The following RIPK1 variants were observed in gnomAD, a reference collection of about 807,000 sequenced individuals.
RIPK1 encodes receptor-interacting serine/threonine-protein kinase 1.
RIPK1 carries 27 observed loss-of-function variants against 62.4 expected under a neutral mutation model. The ratio of observed to expected loss-of-function variants is 0.43; its 90% CI spans 0.32 to 0.60. RIPK1 has a LOEUF of 0.60. Ranked by LOEUF, RIPK1 falls within the 20% of genes least tolerant of loss-of-function variation. RIPK1 has a pLI of 0.07. For synonymous variants in RIPK1, 287 were observed against 303.2 expected (o/e 0.95, Z 0.55); for missense variants, 735 against 831.0 (o/e 0.88, Z 1.42).
chr6:3,069,164 G>C (rs1758557765), intron 1 of RIPK1, among the ~76,000 whole-genome samples: 2 of 138,258 alleles, frequency 1.4e-5, no homozygotes, highest in Non-Finnish European at 1.6e-5. Context: ...ATGTTGTTTT[G>C]GTGGAGAAGG....
intron 9 of RIPK1, among the ~76,000 whole-genome samples, chr6:3,108,947 T>C (rs1481081243): frequency 2.0e-5 from 3 of 152,024 alleles, no homozygotes; most frequent in African/African-American, 7.2e-5. Context: ...CTGACGGAGG[T>C]ACCTTGAGCT....
upstream of RIPK1, among the ~76,000 whole-genome samples, chr6:3,064,317 C>T (rs1758284237): frequency 6.6e-6 from 1 of 152,182 alleles, no homozygotes; most frequent in African/African-American, 2.4e-5. Flanking sequence ...CCTTCCCTGG[C>T]CGAAGCCCTC....
chr6:3,086,591 G>A (rs1291102367), intron 6 of RIPK1, among the ~76,000 whole-genome samples: 1 of 152,236 alleles, frequency 6.6e-6, no homozygotes, highest in Non-Finnish European at 1.5e-5. Context: ...TTTTACTGCA[G>A]TGGGTACAAT....
At chr6:3,107,008 T>C (rs1760883856) in intron 9 of RIPK1, among the ~76,000 whole-genome samples, 1 of 152,116 alleles carries the variant, frequency 6.6e-6, no homozygotes, top group African/African-American at 2.4e-5. Context: ...CTCAGCACTT[T>C]GGGAGGCTGA....
chr6:3,064,094 A>G (rs992251348), upstream of RIPK1: 3 of 152,266 alleles, frequency 2.0e-5, no homozygotes, highest in Non-Finnish European at 2.9e-5. Flanking sequence ...GGGGTGGAGC[A>G]CGGGAGTGGC....
intron 7 of RIPK1, among the ~76,000 whole-genome samples, chr6:3,090,300 CT>C (rs923623304): frequency 4.6e-5 from 7 of 152,138 alleles, no homozygotes; most frequent in African/African-American, 1.4e-4. Context: ...CCCCGCCCCC[CT>C]GCCAACTCTG....
At chr6:3,102,958 C>T (rs1013001326) in intron 7 of RIPK1, among the ~76,000 whole-genome samples, 3 of 152,124 alleles carry the variant, frequency 2.0e-5, no homozygotes, top group Non-Finnish European at 4.4e-5. Flanking sequence ...TTTATATTCC[C>T]CACCAGCAAT....
In RIPK1 at chr6:3,076,841, C is replaced by T; in HGVS notation, c.18C>T (p.Ser6=). 2 of 1,613,096 alleles carry T rather than the reference C, an allele frequency of 1.2e-6. No homozygotes were observed. Among genetic ancestry groups the T allele is most frequent in the South Asian group, 1.1e-5 (1 of 90,996 alleles). Residue 6 remains serine, a synonymous_variant, in exon 2 of 11, where the codon TCC becomes TCT. Coordinates refer to ENST00000259808, the MANE Select transcript of RIPK1 (RefSeq NM_001354930.2). MQPDM[S]LNVIKMKSSD... ...GCTTCAGAATGCAACCAGACATGTC[C>T]TTGAATGTCATTAAGATGAAATCCA...
Position 3,098,837 on chromosome 6 carries a change from C to T in RIPK1, c.916-5388C>T, listed in dbSNP as rs149831738. Among the ~76,000 whole-genome samples, 545 of 152,328 alleles carry T rather than the reference C, an allele frequency of 3.6e-3. 5 individuals are homozygous for T. The highest frequency in any genetic ancestry group is 0.013 in the African/African-American group (532 of 41,560). Reference sequence around the variant, plus strand: ...AGCAGAGGAAGAAGTCAGAAGGCAACGAAGCCTGACAGCTCTGGCAGCCGG... The same window carrying T: ...AGCAGAGGAAGAAGTCAGAAGGCAATGAAGCCTGACAGCTCTGGCAGCCGG... On this transcript the variant is annotated intron_variant, in intron 7 of 10. Transcript: ENST00000259808.
intron 1 of RIPK1, among the ~76,000 whole-genome samples, chr6:3,069,268 G>C (rs1276505046): frequency 6.6e-6 from 1 of 152,218 alleles, no homozygotes; most frequent in African/African-American, 2.4e-5. Flanking sequence ...GCTTGAGGCC[G>C]CAGCAGGTTC....
chr6:3,070,976 GTTTC>G (rs1297188633), intron 1 of RIPK1, among the ~76,000 whole-genome samples: 2 of 152,210 alleles, frequency 1.3e-5, no homozygotes, highest in South Asian at 2.1e-4. Flanking sequence ...CCAAATCTTA[GTTTC>G]TTTATTTGCA....
chr6:3,083,103 G>A lies in RIPK1; in HGVS notation c.478G>A (p.Ala160Thr), dbSNP rs147072629. Residue 160 changes from alanine (A) to threonine (T), a missense_variant, in exon 5 of 11, where the codon GCC becomes ACC. Around this residue, in one of 2 missense-constraint regions of RIPK1, gnomAD observed 671 missense variants for 726.2 expected, o/e 0.92. Transcript: ENST00000259808. ...FHIKIADLGL[A>T]SFKMWSKLNN... is the part of the protein sequence containing the mutation. ...TTCGCAGATCGCAGACCTCGGCCTT[G>A]CCTCCTTTAAGATGTGGAGCAAACT... is the stretch of plus-strand genomic sequence containing the variant. 111 of 1,613,986 alleles carry A rather than the reference G, an allele frequency of 6.9e-5. No individual in the cohort carries two copies. In the African/African-American group the frequency reaches 1.4e-3, roughly 21 times the overall value.
chr6:3,073,527 A>G (rs1758875182), intron 1 of RIPK1, among the ~76,000 whole-genome samples: 1 of 151,618 alleles, frequency 6.6e-6, no homozygotes, highest in Non-Finnish European at 1.5e-5. Flanking sequence ...CCCACCCCTC[A>G]GTCTTCAGGC....
intron 4 of RIPK1, among the ~76,000 whole-genome samples, chr6:3,082,753 G>A (rs971736490): frequency 6.6e-6 from 1 of 152,170 alleles, no homozygotes; most frequent in Non-Finnish European, 1.5e-5. Flanking sequence ...AAAAACATAC[G>A]CAGAGTCAAT....
chr6:3,098,858 G>C (rs971775796), intron 7 of RIPK1, among the ~76,000 whole-genome samples: 4 of 152,258 alleles, frequency 2.6e-5, no homozygotes, highest in Non-Finnish European at 1.5e-5. Flanking sequence ...AGCTCTGGCA[G>C]CCGGGAGCAC....
intron 4 of RIPK1, among the ~76,000 whole-genome samples, chr6:3,081,831 G>T (rs915665591): frequency 1.8e-5 from 2 of 113,550 alleles, no homozygotes; most frequent in Non-Finnish European, 3.3e-5. Context: ...TCGCACTCCA[G>T]CCTGGGCAAC....
rs147957332 is a variant in RIPK1, at chr6:3,073,783, C to T, written c.-60-2981C>T. 2.7e-3 allele frequency among the ~76,000 whole-genome samples: 404 copies of T among 152,272 alleles called. 3 individuals carry two copies. Among genetic ancestry groups the T allele is most frequent in the Non-Finnish European group, 4.2e-3 (288 of 68,020 alleles). On this transcript the variant is annotated intron_variant, in intron 1 of 10. Transcript: ENST00000259808. ...ACACCATGGGCAGCCTAGGAGTTTC[C>T]AGAGTCCCCTCTCCCCAAGGTATTT...
At chr6:3,095,717 G>A (rs780305237) in intron 7 of RIPK1, among the ~76,000 whole-genome samples, 1 of 152,164 alleles carries the variant, frequency 6.6e-6, no homozygotes, top group Non-Finnish European at 1.5e-5. Context: ...AGATAAATCT[G>A]TTGATAAAAT....
chr6:3,105,608 T>TC lies in RIPK1; in HGVS notation c.1135dup (p.Gln379ProfsTer40). On this transcript the variant is annotated frameshift_variant, in exon 9 of 11. Transcript: ENST00000259808. LOFTEE classifies it high-confidence loss of function. The surrounding 1 kb of genome is among the most constrained non-coding windows in gnomAD (Gnocchi z 4.5). ...AATGAGCCCAGCCTGCAGAGTAAACTCCAAGACGAAGCCAACTACCATCTT... is the reference window on the plus strand; with the variant it reads ...AATGAGCCCAGCCTGCAGAGTAAACTCCCAAGACGAAGCCAACTACCATCTT... 1 of 1,613,954 alleles carries TC rather than the reference T, an allele frequency of 6.2e-7. No homozygotes were observed. The highest frequency in any genetic ancestry group is 8.5e-7 in the Non-Finnish European group (1 of 1,179,968).
Sources: allele counts gnomAD v4.1 joint callset (sites outside exome capture counted in the v4.1 genomes callset), GRCh38; gene constraint gnomAD v4.1.1; regional missense constraint gnomAD v4.1.1; non-coding constraint Gnocchi (gnomAD v3.1); transcripts MANE v1.5; gene names NCBI Gene and HGNC (gene_info 2026-07-23, HGNC 2026-07-21).